The following ELOVL2 variants were observed in gnomAD, a reference collection of about 807,000 sequenced individuals.
ELOVL2 encodes ELOVL fatty acid elongase 2, also known as very long chain fatty acid elongase 2.
Under a neutral mutation model 37.7 loss-of-function variants are expected in ELOVL2, and 38 were observed. That is an observed-to-expected ratio of 1.01 (90% confidence interval 0.78 to 1.32). The LOEUF (loss-of-function observed/expected upper bound fraction) is 1.32. Among genes scored for constraint, ELOVL2 ranks in the 40% most tolerant of loss-of-function variants. ELOVL2 has a pLI of 0.00. For missense variants in ELOVL2, 352 were observed against 363.6 expected (o/e 0.97, Z 0.26); for synonymous variants, 115 against 122.3 (o/e 0.94, Z 0.40).
intron 1 of ELOVL2, among the ~76,000 whole-genome samples, chr6:11,020,420 G>A (rs1016256348): frequency 7.2e-5 from 11 of 152,274 alleles, no homozygotes; most frequent in Admixed American, 2.0e-4. Flanking sequence ...GGCAATAAGC[G>A]TTTGGATAAA....
At chr6:10,993,323 TAGA>T (rs1198623156) in intron 5 of ELOVL2, among the ~76,000 whole-genome samples, 1 of 152,252 alleles carries the variant, frequency 6.6e-6, no homozygotes, top group Non-Finnish European at 1.5e-5. Context: ...CATCTTCATG[TAGA>T]GAGCTCTCTT....
chr6:10,995,580 C>G (rs569698813), intron 4 of ELOVL2, among the ~76,000 whole-genome samples: 2 of 152,308 alleles, frequency 1.3e-5, no homozygotes, highest in African/African-American at 4.8e-5. Context: ...AAACTCTTCT[C>G]TCTGCTCCCA....
chr6:11,009,120 T>C (rs914232902), intron 2 of ELOVL2, among the ~76,000 whole-genome samples: 3 of 152,102 alleles, frequency 2.0e-5, no homozygotes, highest in Admixed American at 6.6e-5. Flanking sequence ...TGGAGATAAA[T>C]GGTGAGTAAA....
intron 4 of ELOVL2, 21 bp downstream of exon 4, chr6:11,000,066 G>T: frequency 1.9e-6 from 3 of 1,611,420 alleles, no homozygotes; most frequent in Non-Finnish European, 2.5e-6. Context: ...ATAGTTGGTT[G>T]ATTTGCTTCT....
At chr6:11,007,837 C>A (rs1003185010) in intron 2 of ELOVL2, among the ~76,000 whole-genome samples, 2 of 152,192 alleles carry the variant, frequency 1.3e-5, no homozygotes, top group African/African-American at 2.4e-5. Context: ...TATCCATTGG[C>A]ACATTGAGTC....
rs568499146 is a variant in ELOVL2, at chr6:10,998,904, T to C, written c.333+1183A>G. Among the ~76,000 whole-genome samples, 5 of 152,360 alleles carry C rather than the reference T, an allele frequency of 3.3e-5. No homozygotes were observed. The East Asian group carries it at 9.6e-4, about 29-fold the overall frequency. On this transcript the variant is annotated intron_variant, in intron 4 of 7. Transcript: ENST00000354666. ...TAAAGTTAATTCTGATATTTCCAAT[T>C]TGAATCTATCATTAATGAGTTTTAG...
chr6:11,035,465 T>C (rs1782992912), intron 1 of ELOVL2, among the ~76,000 whole-genome samples: 1 of 152,182 alleles, frequency 6.6e-6, no homozygotes, highest in African/African-American at 2.4e-5. Context: ...TTTCACACAA[T>C]CGGTTTCATC....
rs142210209 is a variant in ELOVL2 at position 11,041,735 on chromosome 6, C to T, written c.3+2493G>A. ...GCTATAATTACATAATTTTCAAAAA[C>T]TTATGTAAATTTTATTAAACAATTT... On this transcript the variant is annotated intron_variant, in intron 1 of 7. Coordinates refer to ENST00000354666, the MANE Select transcript of ELOVL2 (RefSeq NM_017770.4). Among the ~76,000 whole-genome samples, 528 of 152,200 alleles carry T rather than the reference C, an allele frequency of 3.5e-3. 3 individuals are homozygous for T. Among genetic ancestry groups the T allele is most frequent in the Non-Finnish European group, 5.8e-3 (394 of 68,006 alleles).
chr6:11,034,047 A>C (rs1244218268), intron 1 of ELOVL2, among the ~76,000 whole-genome samples: 1 of 152,214 alleles, frequency 6.6e-6, no homozygotes, highest in Non-Finnish European at 1.5e-5. Context: ...AATTAGTAAG[A>C]AGTGGAGTAG....
chr6:10,996,374 A>ATCTT (rs1360221347), intron 4 of ELOVL2, among the ~76,000 whole-genome samples: 41 of 152,350 alleles, frequency 2.7e-4, no homozygotes, highest in African/African-American at 8.4e-4. Flanking sequence ...AAATCACTAT[A>ATCTT]TCTTACTTTA....
At chr6:10,990,586 A>C in intron 5 of ELOVL2, 144 bp from the exon 6 acceptor site, 1 of 710,886 alleles carries the variant, frequency 1.4e-6, no homozygotes, top group African/African-American at 1.9e-5. Context: ...ACACTAATAA[A>C]TTCCCCAATT....
intron 1 of ELOVL2, among the ~76,000 whole-genome samples, chr6:11,038,251 A>G (rs1055019543): frequency 7.9e-5 from 12 of 152,208 alleles, no homozygotes; most frequent in African/African-American, 2.9e-4. Flanking sequence ...AATAAATGTA[A>G]AATAGTATTA....
intron 3 of ELOVL2, among the ~76,000 whole-genome samples, chr6:11,001,017 G>A (rs1782369902): frequency 6.6e-6 from 1 of 152,150 alleles, no homozygotes; most frequent in South Asian, 2.1e-4. Context: ...AGAATATAAG[G>A]CATTTGGGAT....
At chr6:10,987,545 T>C (rs1346551435) in intron 7 of ELOVL2, among the ~76,000 whole-genome samples, 1 of 152,226 alleles carries the variant, frequency 6.6e-6, no homozygotes. Context: ...TCTGGTATGT[T>C]GTATCTTTGT....
chr6:11,009,586 G>A (rs920187539), intron 2 of ELOVL2, among the ~76,000 whole-genome samples: 6 of 152,168 alleles, frequency 3.9e-5, no homozygotes, highest in African/African-American at 1.4e-4. Context: ...CTGGAGGGAG[G>A]GGTAGGAGAT....
chr6:11,001,246 C>T (rs964207495), intron 3 of ELOVL2, among the ~76,000 whole-genome samples: 6 of 152,190 alleles, frequency 3.9e-5, no homozygotes, highest in African/African-American at 9.7e-5. Flanking sequence ...ATATACCTCT[C>T]TTTCCTTCTA....
At chr6:11,030,563 CT>C in intron 1 of ELOVL2, among the ~76,000 whole-genome samples, 1 of 152,176 alleles carries the variant, frequency 6.6e-6, no homozygotes, top group Non-Finnish European at 1.5e-5. Flanking sequence ...TTGATCTCGG[CT>C]CACTGCAAGC....
At chr6:11,019,928 G>C (rs1204403050) in intron 1 of ELOVL2, among the ~76,000 whole-genome samples, 2 of 152,064 alleles carry the variant, frequency 1.3e-5, no homozygotes, top group Non-Finnish European at 2.9e-5. Context: ...ATATTTAGTA[G>C]AGCTGAGGTT....
chr6:10,994,303 C>T (rs1405630671), intron 5 of ELOVL2, among the ~76,000 whole-genome samples: 1 of 151,890 alleles, frequency 6.6e-6, no homozygotes, highest in Non-Finnish European at 1.5e-5. Flanking sequence ...CCTGTCTCTA[C>T]TAAAAATACA....
Sources: gnomAD v4.1 joint callset for allele counts (sites outside exome capture counted in the v4.1 genomes callset) on GRCh38, gnomAD v4.1.1 for gene constraint, MANE v1.5 for transcripts, NCBI Gene and HGNC (gene_info 2026-07-23, HGNC 2026-07-21) for gene names.